MYO16: variants seen among roughly 807,000 people sequenced by gnomAD.
MYO16 encodes the protein unconventional myosin-XVI.
A neutral mutation model predicts 205.3 loss-of-function variants in MYO16; 94 were observed. The ratio of observed to expected loss-of-function variants is 0.46; its 90% CI spans 0.39 to 0.54. The LOEUF (loss-of-function observed/expected upper bound fraction) is 0.54, where lower values mean the gene tolerates loss of function less well. Ranked by LOEUF, MYO16 falls within the 20% of genes least tolerant of loss-of-function variation. MYO16 has a pLI of 0.00. For synonymous variants in MYO16, 988 were observed against 954.0 expected (o/e 1.04, Z -0.66); for missense variants, 2,315 against 2,387.5 (o/e 0.97, Z 0.63).
intron 12 of MYO16, among the ~76,000 whole-genome samples, chr13:108,870,534 G>C (rs1323501036): frequency 1.3e-5 from 2 of 152,016 alleles, no homozygotes; most frequent in East Asian, 3.8e-4. Flanking sequence ...TTGCAAGAAG[G>C]TTTTAGTTCT....
chr13:109,023,667 G>A (rs868651767), intron 23 of MYO16, among the ~76,000 whole-genome samples: 1,264 of 53,536 alleles, frequency 0.024, 49 homozygotes, highest in African/African-American at 0.067. Flanking sequence ...ATGTATATAT[G>A]CAAATATATG....
At chr13:108,627,839 C>T (rs1484108864), upstream of MYO16, among the ~76,000 whole-genome samples, 2 of 152,022 alleles carry the variant, frequency 1.3e-5, no homozygotes, top group Non-Finnish European at 2.9e-5. Context: ...TGTATACATG[C>T]AGAGGCATGC....
the MYO16 span, among the ~76,000 whole-genome samples, chr13:108,510,754 G>A: frequency 5.6e-4 from 5 of 8,968 alleles, no homozygotes; most frequent in Admixed American, 1.1e-3. Flanking sequence ...ATAGTTTACT[G>A]AGAATGATGG....
At chr13:108,596,749 A>G (rs1307264247) in intron 1 of MYO16, among the ~76,000 whole-genome samples, 1 of 152,194 alleles carries the variant, frequency 6.6e-6, no homozygotes, top group Non-Finnish European at 1.5e-5. Context: ...TGCATATGTC[A>G]TATTTTCACA....
chr13:108,943,352 G>A (rs76777927), intron 16 of MYO16, among the ~76,000 whole-genome samples: 2,897 of 152,208 alleles, frequency 0.019, 45 homozygotes, highest in Non-Finnish European at 0.028. Context: ...TAGACCCTAC[G>A]ACGAGTTCCT....
chr13:108,974,933 T>C (rs756519495), intron 20 of MYO16, among the ~76,000 whole-genome samples: 5 of 152,200 alleles, frequency 3.3e-5, no homozygotes, highest in Non-Finnish European at 5.9e-5. Context: ...TTAAAATACC[T>C]TTTGAATTAC....
Position 108,958,514 on chromosome 13 carries a change from C to A in MYO16, c.2037+715C>A, listed in dbSNP as rs7337298. Among the ~76,000 whole-genome samples, 559 of 152,096 alleles carry A rather than the reference C, an allele frequency of 3.7e-3. 9 individuals are homozygous for A. Among genetic ancestry groups the A allele is most frequent in the Admixed American group, 0.026 (400 of 15,264 alleles). ...TAAAACTTTTAGATCATGGCCGTGCCGTAGAAACATCTATGATGATGGAAA... is the reference window on the plus strand; with the variant it reads ...TAAAACTTTTAGATCATGGCCGTGCAGTAGAAACATCTATGATGATGGAAA... On this transcript the variant is annotated intron_variant, in intron 17 of 34. Coordinates refer to ENST00000457511, the MANE Select transcript of MYO16 (RefSeq NM_001198950.3).
At chr13:109,182,522 A>G (rs1007187671) in intron 34 of MYO16, among the ~76,000 whole-genome samples, 1 of 152,196 alleles carries the variant, frequency 6.6e-6, no homozygotes, top group Non-Finnish European at 1.5e-5. Flanking sequence ...GTCGAAGTTC[A>G]TGTCCTTCCT....
chr13:109,006,236 T>G (rs1885382286), intron 21 of MYO16, among the ~76,000 whole-genome samples: 1 of 152,096 alleles, frequency 6.6e-6, no homozygotes, highest in African/African-American at 2.4e-5. Flanking sequence ...CAGTCTTTCT[T>G]ATTTATTTTA....
intron 12 of MYO16, among the ~76,000 whole-genome samples, chr13:108,867,873 C>G (rs1878799107): frequency 6.6e-6 from 1 of 152,172 alleles, no homozygotes; most frequent in Non-Finnish European, 1.5e-5. Flanking sequence ...TCGCCCTCCG[C>G]TTTGCATGGT....
chr13:108,932,314 CT>C (rs1196724131), intron 16 of MYO16, among the ~76,000 whole-genome samples: 2 of 152,008 alleles, frequency 1.3e-5, no homozygotes, highest in Non-Finnish European at 2.9e-5. Flanking sequence ...TCTCCTACTG[CT>C]GCTTATTCTG....
At chr13:108,915,119 T>C (rs1881434803) in intron 16 of MYO16, among the ~76,000 whole-genome samples, 2 of 152,242 alleles carry the variant, frequency 1.3e-5, no homozygotes, top group Admixed American at 6.5e-5. Flanking sequence ...AAACAGCAGA[T>C]AGGACGTGTG....
intron 7 of MYO16, among the ~76,000 whole-genome samples, chr13:108,819,748 A>AG (rs1875862146): frequency 6.6e-6 from 1 of 152,154 alleles, no homozygotes; most frequent in Non-Finnish European, 1.5e-5. Context: ...TAATGGTCCA[A>AG]TGTGACTTTA....
At chr13:109,073,624 A>G (rs55923564) in intron 27 of MYO16, among the ~76,000 whole-genome samples, 73,180 of 151,962 alleles carry the variant, frequency 0.48, 17,853 homozygotes, top group Middle Eastern at 0.54. Context: ...TGGTGTGTGA[A>G]TTTATTAGGC....
At chr13:108,638,822 G>T (rs910002830) in intron 1 of MYO16, among the ~76,000 whole-genome samples, 12 of 152,112 alleles carry the variant, frequency 7.9e-5, no homozygotes, top group African/African-American at 2.9e-4. Flanking sequence ...AGACAAGACA[G>T]GGAAAGGCAC....
At chr13:108,849,616 C>CG (rs1566368030) in intron 10 of MYO16, among the ~76,000 whole-genome samples, 857 of 77,796 alleles carry the variant, frequency 0.011, 30 homozygotes, top group Middle Eastern at 0.016. Flanking sequence ...TGAATTTCCT[C>CG]TTTTGTGTGT....
At chr13:108,574,298 A>G in the MYO16 span, among the ~76,000 whole-genome samples, 1 of 152,150 alleles carries the variant, frequency 6.6e-6, no homozygotes, top group African/African-American at 2.4e-5. Flanking sequence ...ACTGTCTAAA[A>G]GCTCCATGGT....
the MYO16 span, among the ~76,000 whole-genome samples, chr13:108,516,208 C>T: frequency 2.0e-5 from 3 of 152,048 alleles, no homozygotes. Context: ...GTCTGAAAAG[C>T]GCAATATTCG....
intron 21 of MYO16, among the ~76,000 whole-genome samples, chr13:109,002,553 A>T (rs1205098400): frequency 1.3e-5 from 2 of 152,222 alleles, no homozygotes; most frequent in African/African-American, 4.8e-5. Context: ...CTTGATAATT[A>T]TTCATGAGCA....
Sources: gnomAD v4.1 joint callset for allele counts (sites outside exome capture counted in the v4.1 genomes callset) on GRCh38, gnomAD v4.1.1 for gene constraint, MANE v1.5 for transcripts, NCBI Gene and HGNC (gene_info 2026-07-23, HGNC 2026-07-21) for gene names.